The following ACACA variants were observed in gnomAD, a reference collection of about 807,000 sequenced individuals.
The protein encoded by ACACA is acetyl-CoA carboxylase 1.
A neutral mutation model predicts 296.1 loss-of-function variants in ACACA; 103 were observed. The ratio of observed to expected loss-of-function variants is 0.35; its 90% CI spans 0.30 to 0.41. The LOEUF (loss-of-function observed/expected upper bound fraction) is 0.41. Among genes scored for constraint, ACACA ranks in the 10% least tolerant of loss-of-function variants. ACACA has a pLI of 1.00. For synonymous variants in ACACA, 953 were observed against 1,038.6 expected (o/e 0.92, Z 1.58); for missense variants, 1,554 against 2,989.7 (o/e 0.52, Z 11.20).
intron 11 of ACACA, among the ~76,000 whole-genome samples, chr17:37,262,587 G>A (rs1402944175): frequency 6.6e-6 from 1 of 152,072 alleles, no homozygotes; most frequent in Non-Finnish European, 1.5e-5. Context: ...AAATAAATAA[G>A]CATCATTGTG....
At chr17:37,389,212 C>T in intron 1 of ACACA, 1 of 1,551,968 alleles carries the variant, frequency 6.4e-7, no homozygotes, top group East Asian at 2.4e-5. Flanking sequence ...TTACCAGCCA[C>T]TTCATATTAA....
At chr17:37,124,660 TGA>T (rs1462165710) in intron 48 of ACACA, among the ~76,000 whole-genome samples, 1 of 151,812 alleles carries the variant, frequency 6.6e-6, no homozygotes, top group Non-Finnish European at 1.5e-5. Context: ...AAGCCTGGGG[TGA>T]GATAAAAGAC....
chr17:37,119,585 ACCAAAC>A (rs1477148567), intron 50 of ACACA, among the ~76,000 whole-genome samples: 2 of 135,060 alleles, frequency 1.5e-5, no homozygotes, highest in Non-Finnish European at 3.1e-5. Flanking sequence ...AAACTTTTCA[ACCAAAC>A]ACACACACAC....
intron 1 of ACACA, among the ~76,000 whole-genome samples, chr17:37,393,305 C>T (rs544994041): frequency 1.1e-4 from 17 of 152,094 alleles, no homozygotes; most frequent in Middle Eastern, 3.4e-3. Flanking sequence ...TTTATTTTGC[C>T]ATCTGTGACT....
At chr17:37,169,378 T>C (rs1259375959) in intron 41 of ACACA, among the ~76,000 whole-genome samples, 1 of 152,236 alleles carries the variant, frequency 6.6e-6, no homozygotes, top group Non-Finnish European at 1.5e-5. Context: ...TTCTGTCTGA[T>C]GATGAAAACT....
At chr17:37,394,673 G>A (rs900090072) in intron 1 of ACACA, among the ~76,000 whole-genome samples, 12 of 148,732 alleles carry the variant, frequency 8.1e-5, no homozygotes, top group African/African-American at 2.7e-4. Context: ...TCAGGAGATC[G>A]AGACCATCCT....
intron 19 of ACACA, among the ~76,000 whole-genome samples, chr17:37,245,521 A>G (rs895158178): frequency 6.6e-6 from 1 of 152,216 alleles, no homozygotes; most frequent in Non-Finnish European, 1.5e-5. Flanking sequence ...TAATATCCTC[A>G]TACCAGTGAA....
rs1567761749 is a variant in ACACA, at chr17:37,173,999, TA to T, written c.5079+5260del. ...TGGCTAATTTATATATATATATATA[TA>T]TATATATATATATATATATATTTTT... On this transcript the variant is annotated intron_variant, in intron 41 of 55. Coordinates refer to ENST00000616317, the MANE Select transcript of ACACA (RefSeq NM_198834.3). Among the ~76,000 whole-genome samples, 30 of 10,608 alleles carry T rather than the reference TA, an allele frequency of 2.8e-3. 2 individuals are homozygous for T. In the Middle Eastern group the frequency reaches 0.042, roughly 15 times the overall value. 7.0% of individuals were successfully genotyped at this position (10,608 alleles called of 152,430 possible). A position where few individuals can be genotyped will look rare whatever the true frequency, so the allele number is the denominator to read the frequency against.
chr17:37,274,385 A>G lies in ACACA; in HGVS notation c.902-86T>C, dbSNP rs929587935. 1.0e-5 allele frequency: 13 copies of G among 1,275,986 alleles called. No individual in the cohort carries two copies. In the African/African-American group the frequency reaches 1.9e-4, roughly 19 times the overall value. 79.0% of individuals were successfully genotyped at this position (1,275,986 alleles called of 1,614,324 possible). A position where few individuals can be genotyped will look rare whatever the true frequency, so the allele number is the denominator to read the frequency against. ...GCTCTGCATTCTTTGAAATGCTATC[A>G]TATTTACCCAAAACTGAGAGTGGAT... On this transcript the variant is annotated intron_variant, in intron 8 of 55. Transcript: ENST00000616317.
At chr17:37,366,161 G>A (rs1421219561) in intron 1 of ACACA, among the ~76,000 whole-genome samples, 2 of 152,032 alleles carry the variant, frequency 1.3e-5, no homozygotes, top group Non-Finnish European at 2.9e-5. Context: ...GGTGCTCCTG[G>A]TAAGTTGATT....
chr17:37,144,195 C>G, intron 45 of ACACA: 1 of 732,828 alleles, frequency 1.4e-6, no homozygotes, highest in Non-Finnish European at 2.5e-6. Context: ...TTGACTGAAG[C>G]ATCTGGATGC....
At chr17:37,251,874 T>A in intron 16 of ACACA, 131 bp downstream of exon 16, 2 of 866,944 alleles carry the variant, frequency 2.3e-6, no homozygotes, top group Non-Finnish European at 3.9e-6. Context: ...CTTGCCACCA[T>A]GGTCCATGAA....
chr17:37,191,962 C>A, intron 37 of ACACA, 128 bp downstream of exon 37: 1 of 969,940 alleles, frequency 1.0e-6, no homozygotes, highest in East Asian at 2.6e-5. Context: ...AACCTTGATT[C>A]AAAAAATGAA....
chr17:37,123,208 C>T (rs2074609337), intron 48 of ACACA, among the ~76,000 whole-genome samples: 1 of 152,060 alleles, frequency 6.6e-6, no homozygotes, highest in Non-Finnish European at 1.5e-5. Flanking sequence ...GAAACACATG[C>T]CAAGAATAGG....
At chr17:37,193,471 G>A in intron 35 of ACACA, 56 bp from the exon 36 acceptor site, 1 of 1,322,192 alleles carries the variant, frequency 7.6e-7, no homozygotes, top group East Asian at 2.3e-5. Flanking sequence ...GGCTCTTTGA[G>A]AACAAACAGT....
Position 37,378,660 on chromosome 17 carries a change from C to G in ACACA, c.38+27602G>C, listed in dbSNP as rs146739704. ...CCAGAGAGGCGGAGGTTGCAGTGAG[C>G]TGAGATTGCGCCATTGCACTCCAGC... On this transcript the variant is annotated intron_variant, in intron 1 of 55. Coordinates refer to ENST00000616317, the MANE Select transcript of ACACA (RefSeq NM_198834.3). 7.4e-4 allele frequency among the ~76,000 whole-genome samples: 113 copies of G among 152,322 alleles called. 1 individual carries two copies. Among genetic ancestry groups the G allele is most frequent in the African/African-American group, 2.5e-3 (106 of 41,586 alleles).
chr17:37,196,721 G>C (rs1323252018), intron 35 of ACACA, among the ~76,000 whole-genome samples: 1 of 152,088 alleles, frequency 6.6e-6, no homozygotes, highest in East Asian at 1.9e-4. Context: ...CTAAGACAGA[G>C]TGAGTCAATA....
chr17:37,279,618 C>A (rs2082419169), intron 5 of ACACA, among the ~76,000 whole-genome samples: 1 of 149,832 alleles, frequency 6.7e-6, no homozygotes, highest in Non-Finnish European at 1.5e-5. Context: ...ACTGCACCAA[C>A]CTGGGTGACA....
chr17:37,123,587 G>A (rs1422928627), intron 48 of ACACA, among the ~76,000 whole-genome samples: 2 of 152,118 alleles, frequency 1.3e-5, no homozygotes, highest in Non-Finnish European at 2.9e-5. Flanking sequence ...ACTTTTCCAT[G>A]ACAGATGGCC....
Sources: allele counts gnomAD v4.1 joint callset (sites outside exome capture counted in the v4.1 genomes callset), GRCh38; gene constraint gnomAD v4.1.1; transcripts MANE v1.5; gene names NCBI Gene and HGNC (gene_info 2026-07-23, HGNC 2026-07-21).